The following PRR16 variants were observed in gnomAD, a reference collection of about 807,000 sequenced individuals.
PRR16 encodes the protein proline rich 16, also known as protein Largen.
Under a neutral mutation model 18.2 loss-of-function variants are expected in PRR16, and 6 were observed. The ratio of observed to expected loss-of-function variants is 0.33; its 90% confidence interval spans 0.18 to 0.65. The LOEUF (loss-of-function observed/expected upper bound fraction) is 0.65, where lower values mean the gene tolerates loss of function less well. Among genes scored for constraint, PRR16 ranks in the 30% least tolerant of loss-of-function variants. The probability of loss-of-function intolerance (pLI) is 0.74; values close to 1 mark genes in which losing one functional copy is unlikely to be tolerated. For missense variants in PRR16, 412 were observed against 376.6 expected (o/e 1.09, Z -0.78); for synonymous variants, 151 against 147.8 (o/e 1.02, Z -0.16).
At chr5:120,638,841 C>G (rs1429163960) in intron 1 of PRR16, among the ~76,000 whole-genome samples, 2 of 152,064 alleles carry the variant, frequency 1.3e-5, no homozygotes, top group African/African-American at 4.8e-5. Flanking sequence ...GAAAAATTTT[C>G]TCACTCTTCA....
intron 1 of PRR16, among the ~76,000 whole-genome samples, chr5:120,587,779 A>G (rs904522263): frequency 6.6e-6 from 1 of 152,244 alleles, no homozygotes; most frequent in African/African-American, 2.4e-5. Context: ...TCTGCAGCTC[A>G]TAGATCAAGG....
intron 1 of PRR16, among the ~76,000 whole-genome samples, chr5:120,663,931 T>A (rs1205831163): frequency 6.6e-6 from 1 of 151,694 alleles, no homozygotes; most frequent in African/African-American, 2.4e-5. Flanking sequence ...AATATTGAAG[T>A]TGTGGAATTA....
At chr5:120,745,865 A>AT in the PRR16 span, among the ~76,000 whole-genome samples, 2,748 of 127,474 alleles carry the variant, frequency 0.022, 60 homozygotes, top group African/African-American at 0.042. Flanking sequence ...CGCCCGGGTA[A>AT]TTTTTTTTTT....
chr5:120,580,121 A>C (rs750451036), intron 1 of PRR16, among the ~76,000 whole-genome samples: 4 of 152,170 alleles, frequency 2.6e-5, no homozygotes, highest in Non-Finnish European at 5.9e-5. Flanking sequence ...CAGTTCAAGA[A>C]GTTTTGGGGC....
the PRR16 span, among the ~76,000 whole-genome samples, chr5:120,748,097 A>G: frequency 6.6e-6 from 1 of 152,058 alleles, no homozygotes; most frequent in South Asian, 2.1e-4. Flanking sequence ...ACAATATATT[A>G]TTGAATGATT....
chr5:120,494,603 G>A (rs1313499267), intron 1 of PRR16, among the ~76,000 whole-genome samples: 3 of 152,060 alleles, frequency 2.0e-5, no homozygotes, highest in South Asian at 4.2e-4. Flanking sequence ...TAGAGCAAAA[G>A]TTTTAAATTT....
At chr5:120,590,510 T>TTGAAG (rs1554086021) in intron 1 of PRR16, among the ~76,000 whole-genome samples, 6 of 151,398 alleles carry the variant, frequency 4.0e-5, no homozygotes, top group Non-Finnish European at 8.9e-5. Context: ...CCTGATTCAG[T>TTGAAG]GTTGAAGTTT....
the PRR16 span, among the ~76,000 whole-genome samples, chr5:120,712,651 A>G: frequency 6.6e-6 from 1 of 152,154 alleles, no homozygotes; most frequent in Non-Finnish European, 1.5e-5. Flanking sequence ...AAATGGGAAA[A>G]GGATCTGAAT....
At chr5:120,637,317 GAAAAAAAAAAAA>G (rs372136712) in intron 1 of PRR16, among the ~76,000 whole-genome samples, 4 of 62,636 alleles carry the variant, frequency 6.4e-5, no homozygotes, top group Admixed American at 2.6e-4. Flanking sequence ...CCATTATACG[GAAAAAAAAAAAA>G]AAAAAAAAAA....
chr5:120,693,238 C>T, the PRR16 span, among the ~76,000 whole-genome samples: 1 of 152,146 alleles, frequency 6.6e-6, no homozygotes, highest in Non-Finnish European at 1.5e-5. Flanking sequence ...TGATAGAGCA[C>T]TTACTCAACC....
At chr5:120,676,061 C>T (rs1487768607) in intron 1 of PRR16, among the ~76,000 whole-genome samples, 1 of 152,118 alleles carries the variant, frequency 6.6e-6, no homozygotes, top group East Asian at 1.9e-4. Context: ...TATATATCCT[C>T]CATATTTACT....
intron 1 of PRR16, among the ~76,000 whole-genome samples, chr5:120,595,998 G>A (rs886344296): frequency 6.6e-6 from 1 of 151,878 alleles, no homozygotes; most frequent in Admixed American, 6.6e-5. Flanking sequence ...AGCAGTGATT[G>A]TGAAACTTGC....
intron 1 of PRR16, among the ~76,000 whole-genome samples, chr5:120,491,165 A>G (rs1226283977): frequency 6.6e-6 from 1 of 151,564 alleles, no homozygotes; most frequent in Non-Finnish European, 1.5e-5. Flanking sequence ...GAGAACCACT[A>G]CTCTCTTCAA....
chr5:120,493,595 A>G (rs1750139894), intron 1 of PRR16, among the ~76,000 whole-genome samples: 1 of 152,178 alleles, frequency 6.6e-6, no homozygotes, highest in Non-Finnish European at 1.5e-5. Flanking sequence ...TCATGATCAG[A>G]ATATTGACAT....
the PRR16 span, among the ~76,000 whole-genome samples, chr5:120,694,103 A>T: frequency 2.6e-5 from 4 of 152,220 alleles, no homozygotes; most frequent in Admixed American, 6.5e-5. Flanking sequence ...TGAAAATACT[A>T]AGAGTAAAAC....
At chr5:120,742,393 A>G in the PRR16 span, among the ~76,000 whole-genome samples, 39 of 151,422 alleles carry the variant, frequency 2.6e-4, 2 homozygotes, top group East Asian at 7.5e-3. Flanking sequence ...CAGCTCTTAC[A>G]TTCAAAACTT....
intron 1 of PRR16, among the ~76,000 whole-genome samples, chr5:120,464,896 A>G (rs1250158158): frequency 2.0e-5 from 3 of 151,992 alleles, no homozygotes; most frequent in Admixed American, 2.0e-4. Context: ...GGAGGGATGA[A>G]CGCACGCGTG....
At chr5:120,713,250 A>G in the PRR16 span, among the ~76,000 whole-genome samples, 1 of 152,120 alleles carries the variant, frequency 6.6e-6, no homozygotes, top group African/African-American at 2.4e-5. Flanking sequence ...AATACTGCAT[A>G]ATTTCACTTA....
At position 120,634,418 on chromosome 5, in the gene PRR16, G is replaced by A. The variant is rs542480871; in HGVS notation, c.160-51536G>A. Among the ~76,000 whole-genome samples the A allele has an allele frequency of 1.6e-3, 244 of 152,206 alleles. 1 individual carries two copies. The highest frequency in any genetic ancestry group is 3.4e-3 in the Middle Eastern group (1 of 294). Reference sequence around the variant, plus strand: ...CAGCACTTTGGGAGGCCAAGGCAGGGGGATCAATTGAGGTGAGGAGCTCAA... The same window carrying A: ...CAGCACTTTGGGAGGCCAAGGCAGGAGGATCAATTGAGGTGAGGAGCTCAA... On this transcript the variant is annotated intron_variant, in intron 1 of 1. Transcript: ENST00000407149.
Sources: allele counts gnomAD v4.1 joint callset (sites outside exome capture counted in the v4.1 genomes callset), GRCh38; gene constraint gnomAD v4.1.1; transcripts MANE v1.5; gene names NCBI Gene and HGNC (gene_info 2026-07-23, HGNC 2026-07-21).